The following ADGRD1 variants were observed in gnomAD, a reference collection of about 807,000 sequenced individuals.
ADGRD1 encodes adhesion G protein-coupled receptor D1.
Under a neutral mutation model 113.4 loss-of-function variants are expected in ADGRD1, and 77 were observed. The ratio of observed to expected loss-of-function variants is 0.68; its 90% CI spans 0.57 to 0.82. The LOEUF is 0.82. ADGRD1 is among the 40% of genes least tolerant of loss of function. ADGRD1 has a pLI of 0.00. For missense variants in ADGRD1, 1,036 were observed against 1,139.1 expected (o/e 0.91, Z 1.30); for synonymous variants, 474 against 475.0 (o/e 1.00, Z 0.03).
At chr12:130,980,462 G>C (rs1872829127) in intron 4 of ADGRD1, among the ~76,000 whole-genome samples, 1 of 144,774 alleles carries the variant, frequency 6.9e-6, no homozygotes, top group East Asian at 2.1e-4. Context: ...CAATGGCGTG[G>C]TCTCGGCTCA....
chr12:130,982,489 C>T (rs966424140), intron 5 of ADGRD1, among the ~76,000 whole-genome samples: 1 of 152,236 alleles, frequency 6.6e-6, no homozygotes, highest in Non-Finnish European at 1.5e-5. Flanking sequence ...TCATCTGCCT[C>T]CTTTTTCTCT....
rs1161574964 is a variant in ADGRD1 at position 131,017,124 on chromosome 12, G to T, written c.1473+2784G>T. On this transcript the variant is annotated intron_variant, in intron 13 of 24. Coordinates refer to ENST00000261654, the MANE Select transcript of ADGRD1 (RefSeq NM_198827.5). ...CAGAGAGGGGAGGCAGGAGATGAGA[G>T]CACAGCTTGAGTGCCAGGGCTGCAG... is the stretch of plus-strand genomic sequence containing the variant. Among the ~76,000 whole-genome samples the T allele has an allele frequency of 2.0e-5, 3 of 152,068 alleles. No individual in the cohort carries two copies. In the East Asian group the frequency reaches 5.8e-4, roughly 29 times the overall value.
At position 131,104,864 on chromosome 12, in the gene ADGRD1, A is replaced by G. The variant is rs139017446; in HGVS notation, c.1705A>G (p.Ile569Val). The G allele has an allele frequency of 6.5e-6, 10 of 1,550,376 alleles. No individual in the cohort carries two copies. The highest frequency in any genetic ancestry group is 4.9e-5 in the East Asian group (2 of 40,950). Reference sequence around the variant, plus strand: ...CGGACACCAGGTGGCGCTGTCGTCTATCAGCTATGTGGGCTGCTCCCTCTC... The same window carrying G: ...CGGACACCAGGTGGCGCTGTCGTCTGTCAGCTATGTGGGCTGCTCCCTCTC... ...ARGHQVALSSISYVGCSLSVL... is the reference protein window; with the variant it reads ...ARGHQVALSSVSYVGCSLSVL... The change falls in exon 16 of 25, where the codon ATC becomes GTC. Residue 569 changes from isoleucine (I) to valine (V), a missense_variant. Ile to Val is a conservative substitution (Grantham distance 29). Transcript: ENST00000261654.
At chr12:131,136,860 G>A (rs1400313528) in intron 22 of ADGRD1, 113 bp from the exon 23 acceptor site, 2 of 861,184 alleles carry the variant, frequency 2.3e-6, no homozygotes, top group East Asian at 2.4e-5. Context: ...ATGGGACCTG[G>A]TGTCACAGTG....
At chr12:131,076,924 G>T in intron 14 of ADGRD1, 50 bp downstream of exon 14, 1 of 1,451,492 alleles carries the variant, frequency 6.9e-7, no homozygotes, top group Admixed American at 1.7e-5. Flanking sequence ...TCCAAGCCCA[G>T]GCCCGCCCCA....
At chr12:131,071,423 A>G (rs1885162072) in intron 13 of ADGRD1, among the ~76,000 whole-genome samples, 1 of 151,862 alleles carries the variant, frequency 6.6e-6, no homozygotes, top group Non-Finnish European at 1.5e-5. Flanking sequence ...GGCCACTGGG[A>G]GAAGAGGAGC....
At chr12:130,983,853 T>C (rs1251734401) in intron 5 of ADGRD1, among the ~76,000 whole-genome samples, 2 of 152,132 alleles carry the variant, frequency 1.3e-5, no homozygotes, top group Non-Finnish European at 2.9e-5. Flanking sequence ...AGCAGCAAGC[T>C]CAGGAGGACA....
intron 15 of ADGRD1, among the ~76,000 whole-genome samples, chr12:131,087,653 G>A (rs1482479798): frequency 1.3e-5 from 2 of 152,156 alleles, no homozygotes; most frequent in South Asian, 2.1e-4. Context: ...AGATAATCCC[G>A]AGGGGATGTT....
intron 20 of ADGRD1, among the ~76,000 whole-genome samples, chr12:131,127,895 A>G (rs1950783878): frequency 1.1e-5 from 1 of 89,394 alleles, no homozygotes; most frequent in African/African-American, 5.3e-5. Context: ...CCCTGAGCTC[A>G]GGTGGGGTGT....
chr12:131,104,024 G>C (rs1257172800), intron 15 of ADGRD1, among the ~76,000 whole-genome samples: 1 of 152,208 alleles, frequency 6.6e-6, no homozygotes, highest in Admixed American at 6.5e-5. Flanking sequence ...TTGTGCGGTC[G>C]GTGAACTGCG....
At chr12:130,986,841 T>G in intron 5 of ADGRD1, 1 of 470,484 alleles carries the variant, frequency 2.1e-6, no homozygotes, top group Non-Finnish European at 3.8e-6. Flanking sequence ...TTGTAACTAC[T>G]ATGTTAAAAT....
intron 5 of ADGRD1, among the ~76,000 whole-genome samples, chr12:130,983,288 G>C (rs1274793877): frequency 2.0e-5 from 3 of 152,106 alleles, no homozygotes; most frequent in African/African-American, 7.2e-5. Context: ...CGGTGTGCTC[G>C]GACCAGCTTG....
intron 2 of ADGRD1, among the ~76,000 whole-genome samples, chr12:130,961,368 G>A (rs931090711): frequency 6.6e-6 from 1 of 152,034 alleles, no homozygotes; most frequent in East Asian, 1.9e-4. Context: ...GTGGTGATGT[G>A]GGCTGAAAAT....
Position 131,136,069 on chromosome 12 carries a change from C to G in ADGRD1, c.2300C>G (p.Pro767Arg). ...GCCAAGGCAGTGGCCGTGCTGCTGC[C>G]CATCCTGGGTACCTCGTGGGTCTTT... The part of the protein sequence containing the change: ...LTAKAVAVLL[P>R]ILGTSWVFGV... The change falls in exon 22 of 25, where the codon CCC (proline) becomes CGC (arginine). Residue 767 changes from proline (P) to arginine (R), a missense_variant. By Grantham distance (103) the Pro-to-Arg change is moderately radical. Coordinates refer to ENST00000261654, the MANE Select transcript of ADGRD1 (RefSeq NM_198827.5). The G allele has an allele frequency of 6.2e-7, 1 of 1,614,146 alleles. No individual in the cohort carries two copies. Among genetic ancestry groups the G allele is most frequent in the Middle Eastern group, 1.6e-4 (1 of 6,062 alleles).
chr12:130,990,889 C>T, intron 6 of ADGRD1, 125 bp from the exon 7 acceptor site: 1 of 679,792 alleles, frequency 1.5e-6, no homozygotes, highest in Non-Finnish European at 2.6e-6. Flanking sequence ...AACATTCCTA[C>T]TCAAAACATT....
chr12:131,000,747 C>CAAAAAAA (rs371823726), intron 9 of ADGRD1, among the ~76,000 whole-genome samples: 2 of 112,638 alleles, frequency 1.8e-5, no homozygotes. Context: ...TCTCAAAAAA[C>CAAAAAAA]AAAAAAAAAA....
chr12:131,101,373 CTTTCTTTTTT>C (rs1950074963), intron 15 of ADGRD1, among the ~76,000 whole-genome samples: 2 of 79,354 alleles, frequency 2.5e-5, no homozygotes, highest in South Asian at 4.2e-4. Context: ...CTTTTTCTTT[CTTTCTTTTTT>C]TTTTTTTTTT....
At chr12:131,034,227 A>C (rs1593084276) in intron 13 of ADGRD1, among the ~76,000 whole-genome samples, 1 of 150,768 alleles carries the variant, frequency 6.6e-6, no homozygotes, top group African/African-American at 2.4e-5. Context: ...CGCCCATTCC[A>C]CTCCGCTCCC....
rs144095864 is a variant in ADGRD1, at chr12:131,090,956, A to G, written c.1671+6293A>G. Among the ~76,000 whole-genome samples, 14 of 152,306 alleles carry G rather than the reference A, an allele frequency of 9.2e-5. No individual in the cohort carries two copies. The East Asian group carries it at 2.5e-3, about 27-fold the overall frequency. On this transcript the variant is annotated intron_variant, in intron 15 of 24. Coordinates refer to ENST00000261654, the MANE Select transcript of ADGRD1 (RefSeq NM_198827.5). ...CTTTGCTTTACATGTGAGTCACAGA[A>G]ACATGGCGTCATCTCTGGGTGCTTC...
Sources: gnomAD v4.1 joint callset for allele counts (sites outside exome capture counted in the v4.1 genomes callset) on GRCh38, gnomAD v4.1.1 for gene constraint, MANE v1.5 for transcripts, NCBI Gene and HGNC (gene_info 2026-07-23, HGNC 2026-07-21) for gene names.